GGT5: variants seen among roughly 807,000 people sequenced by gnomAD.
The protein encoded by GGT5 is gamma-glutamyltransferase 5.
In GGT5, 50 loss-of-function variants were observed where a neutral mutation model predicts 58.1. That is an observed-to-expected ratio of 0.86 (90% CI 0.69 to 1.09). GGT5 has a LOEUF of 1.09. Among genes scored for constraint, GGT5 ranks in the 50% least tolerant of loss-of-function variants. The pLI is 0.00. For missense variants in GGT5, 800 were observed against 789.4 expected (o/e 1.01, Z -0.16); for synonymous variants, 370 against 346.1 (o/e 1.07, Z -0.77).
intron 1 of GGT5, among the ~76,000 whole-genome samples, chr22:24,235,917 G>C (rs1464887840): frequency 6.6e-6 from 1 of 152,160 alleles, no homozygotes. Context: ...ACCCTGCCAG[G>C]CTTTGGTTTT....
intron 11 of GGT5, among the ~76,000 whole-genome samples, chr22:24,224,193 T>C: frequency 6.6e-6 from 1 of 151,650 alleles, no homozygotes; most frequent in East Asian, 2.0e-4. Flanking sequence ...AGCTGCACCA[T>C]GGGCTTCTGT....
In GGT5 at chr22:24,232,312, G is replaced by A. The variant is rs998412332; in HGVS notation, c.597-104C>T. 32 of 611,784 alleles carry A rather than the reference G, an allele frequency of 5.2e-5. No individual in the cohort carries two copies. In the East Asian group the frequency reaches 5.5e-4, roughly 11 times the overall value. The allele number at this position is 611,784 out of a possible 1,614,324, so 37.9% of individuals were successfully genotyped here. On this transcript the variant is annotated intron_variant, in intron 4 of 11. Transcript: ENST00000327365. ...TCCTCAGGACCCTACAGTGGGGGGC[G>A]CCCTGGCCCAGGGTCCCGAGGCACT...
intron 6 of GGT5, among the ~76,000 whole-genome samples, chr22:24,229,266 T>C (rs752906294): frequency 1.6e-4 from 24 of 146,806 alleles, no homozygotes; most frequent in Non-Finnish European, 3.2e-4. Flanking sequence ...AAAAAATTAG[T>C]TGTGGTGGCA....
intron 11 of GGT5, among the ~76,000 whole-genome samples, chr22:24,221,127 TC>T (rs1379051885): frequency 6.6e-6 from 1 of 152,188 alleles, no homozygotes; most frequent in Admixed American, 6.5e-5. Flanking sequence ...CTCCCAGTTG[TC>T]CTTGCTCATT....
chr22:24,226,142 G>T lies in GGT5; in HGVS notation c.1163C>A (p.Thr388Lys), dbSNP rs755653164. 16 of 1,610,978 alleles carry T rather than the reference G, an allele frequency of 9.9e-6. No individual in the cohort carries two copies. The highest frequency in any genetic ancestry group is 1.4e-5 in the Non-Finnish European group (16 of 1,179,536). Residue 388 changes from threonine to lysine, a missense_variant, in exon 8 of 12, where the codon ACG (threonine) becomes AAG (lysine). Physicochemically the swap from Thr to Lys is moderately conservative, Grantham distance 78. Transcript: ENST00000327365. ...CTCCCCCAGCACAGACACATGGGAC[G>T]TGCCTGTCCCGTGGCCCCAGGCCTC... ...LAEAWGHGTG[T>K]SHVSVLGEDG...
chr22:24,221,698 G>A (rs1379240304), intron 11 of GGT5, among the ~76,000 whole-genome samples: 1 of 152,072 alleles, frequency 6.6e-6, no homozygotes, highest in African/African-American at 2.4e-5. Flanking sequence ...TTTTAGTAGA[G>A]ACAGGTTTTC....
chr22:24,220,014 C>T lies in GGT5; in HGVS notation c.1717G>A (p.Ala573Thr), dbSNP rs142698996. The change falls in exon 12 of 12, where the codon GCC (alanine) becomes ACC (threonine). Residue 573 changes from alanine (A) to threonine (T), a missense_variant. Transcript: ENST00000327365. ...CCACTCTTCCTCAGGTCCGAGACGGCGTACACACAGGCCCCCTCCTGGGAC... is the reference window on the plus strand; with the variant it reads ...CCACTCTTCCTCAGGTCCGAGACGGTGTACACACAGGCCCCCTCCTGGGAC... ...AVSQEGACVY[A>T]VSDLRKSGEA... The T allele has an allele frequency of 9.9e-6, 16 of 1,613,952 alleles. No individual in the cohort carries two copies. Among genetic ancestry groups the T allele is most frequent in the African/African-American group, 4.0e-5 (3 of 74,928 alleles).
chr22:24,234,152 G>A, intron 1 of GGT5, 148 bp from the exon 2 acceptor site: 2 of 711,190 alleles, frequency 2.8e-6, no homozygotes, highest in Non-Finnish European at 4.7e-6. Context: ...AACACAACCA[G>A]GCTTCCCCAT....
intron 3 of GGT5, 112 bp downstream of exon 3, chr22:24,233,386 C>T (rs1010541988): frequency 4.7e-6 from 3 of 637,304 alleles, no homozygotes; most frequent in South Asian, 2.0e-5. Context: ...TCCGTGTCCC[C>T]CCGTGCCAGG....
intron 1 of GGT5, among the ~76,000 whole-genome samples, chr22:24,240,631 A>G (rs1275242239): frequency 6.6e-6 from 1 of 151,938 alleles, no homozygotes; most frequent in African/African-American, 2.4e-5. Flanking sequence ...TGGGACTACA[A>G]GTGTGCCAAC....
chr22:24,241,321 T>A (rs2048323398), intron 1 of GGT5: 1 of 152,220 alleles, frequency 6.6e-6, no homozygotes, highest in South Asian at 2.1e-4. Context: ...CTGGCAAGTT[T>A]AAAATCTGTA....
chr22:24,221,420 G>A (rs941730625), intron 11 of GGT5, among the ~76,000 whole-genome samples: 2 of 151,856 alleles, frequency 1.3e-5, no homozygotes, highest in African/African-American at 2.4e-5. Context: ...TCGATTAACT[G>A]GCTCATCTGA....
chr22:24,234,366 C>T (rs368528640), intron 1 of GGT5, among the ~76,000 whole-genome samples: 8 of 152,338 alleles, frequency 5.3e-5, no homozygotes, highest in African/African-American at 1.4e-4. Flanking sequence ...CAGGAGCCCA[C>T]CCTGGGACTC....
chr22:24,232,901 C>A lies in GGT5; in HGVS notation c.518G>T (p.Gly173Val). 1.3e-6 allele frequency: 2 copies of A among 1,584,460 alleles called. No homozygotes were observed. The highest frequency in any genetic ancestry group is 2.3e-5 in the East Asian group (1 of 43,414). Residue 173 changes from glycine (G) to valine (V), a missense_variant, in exon 4 of 12, where the codon GGG (glycine) becomes GTG (valine). By Grantham distance (109) the Gly-to-Val change is moderately radical (BLOSUM62 -3). Coordinates refer to ENST00000327365, the MANE Select transcript of GGT5 (RefSeq NM_004121.5). ...GCTGAGGACAGGGGCCACCACATGC[C>A]CCCCTCGGAGCAGCGCGATGGTGGG... ...FQPTIALLRG[G>V]HVVAPVLSRF...
chr22:24,236,680 G>A (rs977024519), intron 1 of GGT5, among the ~76,000 whole-genome samples: 6 of 151,354 alleles, frequency 4.0e-5, no homozygotes, highest in Admixed American at 3.3e-4. Context: ...GGAGAATGGT[G>A]TGAACCTGGA....
intron 6 of GGT5, 123 bp from the exon 7 acceptor site, chr22:24,226,890 C>A (rs1601386287): frequency 1.5e-6 from 1 of 685,110 alleles, no homozygotes. Flanking sequence ...GTGGATATTA[C>A]CTTATACAGC....
chr22:24,235,954 T>C (rs1044029798), intron 1 of GGT5, among the ~76,000 whole-genome samples: 4 of 152,268 alleles, frequency 2.6e-5, no homozygotes, highest in East Asian at 3.9e-4. Flanking sequence ...TCTCCTGATG[T>C]TGGGGGCCCC....
In GGT5 at chr22:24,232,089, C is replaced by G. The variant is rs753965719; in HGVS notation, c.716G>C (p.Arg239Thr). The G allele has an allele frequency of 6.2e-7, 1 of 1,613,368 alleles. No individual in the cohort carries two copies. The highest frequency in any genetic ancestry group is 1.1e-5 in the South Asian group (1 of 90,924). Residue 239 changes from arginine to threonine, a missense_variant, in exon 5 of 12, where the codon AGG becomes ACG. By Grantham distance (71) the Arg-to-Thr change is moderately conservative. Transcript: ENST00000327365. ...GTCCTCCACCAGCATCTGGCCCAGC[C>G]TCCCCGTGTAGAAGACCTCCACGCC... ...TEGVEVFYTGRLGQMLVEDIA... is the reference protein window; with the variant it reads ...TEGVEVFYTGTLGQMLVEDIA...
intron 1 of GGT5, among the ~76,000 whole-genome samples, chr22:24,236,222 C>T (rs2048090422): frequency 6.6e-6 from 1 of 152,206 alleles, no homozygotes; most frequent in South Asian, 2.1e-4. Flanking sequence ...TGGCTCCTCT[C>T]CTAGTCCTCG....
Sources: allele counts gnomAD v4.1 joint callset (sites outside exome capture counted in the v4.1 genomes callset), GRCh38; gene constraint gnomAD v4.1.1; transcripts MANE v1.5; gene names NCBI Gene and HGNC (gene_info 2026-07-23, HGNC 2026-07-21).